PPIP5K2: variants seen among roughly 807,000 people sequenced by gnomAD.
PPIP5K2 encodes inositol hexakisphosphate and diphosphoinositol-pentakisphosphate kinase 2.
A neutral mutation model predicts 154.6 loss-of-function variants in PPIP5K2; 105 were observed. The observed-to-expected ratio is 0.68, with a 90% CI of 0.58 to 0.80. The LOEUF is 0.80. PPIP5K2 is among the 30% of genes least tolerant of loss of function. The pLI is 0.00. For missense variants in PPIP5K2, 992 were observed against 1,504.6 expected, an observed-to-expected ratio of 0.66 and a Z score of 5.64; for synonymous variants, 480 against 490.3, an observed-to-expected ratio of 0.98 and a Z score of 0.28.
At position 103,177,976 on chromosome 5, in the gene PPIP5K2, G is replaced by A; in HGVS notation, c.2750G>A (p.Arg917Lys). The change falls in exon 23 of 31, where the codon AGA becomes AAA. Residue 917 changes from arginine (R) to lysine (K), a missense_variant. Coordinates refer to ENST00000358359, the MANE Select transcript of PPIP5K2 (RefSeq NM_001276277.3). ...PSGYGYRPAS[R>K]ENEGRRPFKI... ...GGCTATGGATATAGACCAGCTTCCA[G>A]AGAGGTAATGAAGGTGGAACTCTCA... 1 of 1,581,410 alleles carries A rather than the reference G, an allele frequency of 6.3e-7. No homozygotes were observed. The highest frequency in any genetic ancestry group is 8.7e-7 in the Non-Finnish European group (1 of 1,150,642).
chr5:103,127,054 T>A (rs1316192604), intron 1 of PPIP5K2, among the ~76,000 whole-genome samples: 3 of 152,228 alleles, frequency 2.0e-5, no homozygotes, highest in Non-Finnish European at 2.9e-5. Flanking sequence ...ATTTTATTTG[T>A]ATGTATTCCA....
chr5:103,159,824 C>T (rs257293), intron 17 of PPIP5K2, among the ~76,000 whole-genome samples: 60,062 of 151,898 alleles, frequency 0.4, 12,591 homozygotes, highest in African/African-American at 0.53. Context: ...AAGGATAAAA[C>T]ATATTGCTAT....
chr5:103,188,697 T>G (rs1800771238), intron 28 of PPIP5K2: 2 of 152,316 alleles, frequency 1.3e-5, no homozygotes, highest in African/African-American at 2.4e-5. Flanking sequence ...ATTGCAGGTT[T>G]AAGACCATAG....
intron 5 of PPIP5K2, among the ~76,000 whole-genome samples, chr5:103,141,846 T>A (rs1406783901): frequency 1.3e-5 from 2 of 151,944 alleles, no homozygotes; most frequent in East Asian, 3.9e-4. Context: ...AGATACAGAG[T>A]GTAGATTGGT....
intron 30 of PPIP5K2, among the ~76,000 whole-genome samples, chr5:103,200,911 T>C (rs1399583637): frequency 3.9e-5 from 6 of 152,134 alleles, no homozygotes; most frequent in Admixed American, 6.6e-5. Context: ...GTGTTGGGAT[T>C]ACAGGCATGA....
chr5:103,133,297 A>G (rs114952042), intron 2 of PPIP5K2, among the ~76,000 whole-genome samples, 156 bp from the exon 3 acceptor site: 1 of 152,200 alleles, frequency 6.6e-6, no homozygotes, highest in Admixed American at 6.5e-5. Flanking sequence ...GTTTATTATA[A>G]CAATGATATA....
rs188502652 is a variant in PPIP5K2 at position 103,211,799 on chromosome 5, C to A, written c.*10165C>A. 4 of 140,142 alleles carry A rather than the reference C, an allele frequency of 2.9e-5. No homozygotes were observed. The highest frequency in any genetic ancestry group is 4.4e-5 in the Non-Finnish European group (3 of 67,846). The allele number at this position is 140,142 out of a possible 1,614,324, so 8.7% of individuals were successfully genotyped here. ...GGGAATTTACTTTCTAATGAGGAAC[C>A]AAGTGCTCAAAAGCAGTCATAAAGT... On this transcript the variant is annotated 3_prime_UTR_variant, in exon 31 of 31. Transcript: ENST00000358359.
chr5:103,183,307 C>T lies in PPIP5K2; in HGVS notation c.2996C>T (p.Thr999Ile). 3.8e-6 allele frequency: 6 copies of T among 1,590,520 alleles called. No individual in the cohort carries two copies. Among genetic ancestry groups the T allele is most frequent in the Non-Finnish European group, 5.1e-6 (6 of 1,170,196 alleles). The change falls in exon 25 of 31, where the codon ACT (threonine) becomes ATT (isoleucine). Residue 999 changes from threonine to isoleucine, a missense_variant. Transcript: ENST00000358359. ...CTGCATTATACCAGTGGTGTGGGTA[C>T]TGGGCGTCGAAGACGCAGATCAGGG... The part of the protein sequence containing the change: ...TWLHYTSGVG[T>I]GRRRRRSGEQ...
At chr5:103,143,717 A>G (rs1330439574) in intron 5 of PPIP5K2, among the ~76,000 whole-genome samples, 2 of 152,218 alleles carry the variant, frequency 1.3e-5, no homozygotes, top group Non-Finnish European at 2.9e-5. Flanking sequence ...GAGAAAAAGC[A>G]TTTGATAAAA....
At chr5:103,122,460 A>T (rs1461881323) in intron 1 of PPIP5K2, among the ~76,000 whole-genome samples, 1 of 152,214 alleles carries the variant, frequency 6.6e-6, no homozygotes, top group Non-Finnish European at 1.5e-5. Flanking sequence ...GGTTCAGCAA[A>T]AAGATATTAA....
Position 103,159,324 on chromosome 5 carries a change from A to G in PPIP5K2, c.1916A>G (p.Glu639Gly), listed in dbSNP as rs1354233781. 1 of 1,603,762 alleles carries G rather than the reference A, an allele frequency of 6.2e-7. No homozygotes were observed. The highest frequency in any genetic ancestry group is 8.5e-7 in the Non-Finnish European group (1 of 1,176,382). ...KDRDFTAEDYEKLTPSGSISL... is the reference protein window; with the variant it reads ...KDRDFTAEDYGKLTPSGSISL... Reference sequence around the variant, plus strand: ...AGAGATTTTACTGCTGAAGATTATGAAAAGGTGGGTCTTAGCAAACTCTTA... The same window carrying G: ...AGAGATTTTACTGCTGAAGATTATGGAAAGGTGGGTCTTAGCAAACTCTTA... The change falls in exon 17 of 31, where the codon GAA becomes GGA. Residue 639 changes from glutamate (E) to glycine (G), a missense_variant. Glu to Gly is a moderately conservative substitution (Grantham distance 98, BLOSUM62 -2). This residue lies in a region of PPIP5K2 where 82 missense variants were observed against 91.8 expected (regional missense o/e 0.89). Coordinates refer to ENST00000358359, the MANE Select transcript of PPIP5K2 (RefSeq NM_001276277.3).
At position 103,179,419 on chromosome 5, in the gene PPIP5K2, C is replaced by T. The variant is rs1460764694; in HGVS notation, c.2755-602C>T. On this transcript the variant is annotated intron_variant, in intron 23 of 30. Coordinates refer to ENST00000358359, the MANE Select transcript of PPIP5K2 (RefSeq NM_001276277.3). ...GGATATTTGATATAAAAATTTTTAG[C>T]TTGCCTGTCTCCCATACTGTGTTGG... Among the ~76,000 whole-genome samples, 3 of 152,032 alleles carry T rather than the reference C, an allele frequency of 2.0e-5. No homozygotes were observed. The East Asian group carries it at 5.8e-4, about 29-fold the overall frequency.
intron 23 of PPIP5K2, among the ~76,000 whole-genome samples, chr5:103,178,687 T>C (rs1799078273): frequency 6.6e-6 from 1 of 151,730 alleles, no homozygotes; most frequent in Non-Finnish European, 1.5e-5. Context: ...ATGATACTTT[T>C]TCAGTATTGG....
intron 26 of PPIP5K2, among the ~76,000 whole-genome samples, chr5:103,185,576 A>G (rs1554224670): frequency 6.6e-6 from 1 of 152,120 alleles, no homozygotes; most frequent in Non-Finnish European, 1.5e-5. Flanking sequence ...GTATCATAGT[A>G]TATTTTATAG....
chr5:103,130,720 A>G (rs1391192228), intron 2 of PPIP5K2, among the ~76,000 whole-genome samples: 1 of 152,158 alleles, frequency 6.6e-6, no homozygotes, highest in Non-Finnish European at 1.5e-5. Context: ...TAGAAGTCCT[A>G]TAAGTAAAAC....
rs1794505299 is a variant in PPIP5K2 at position 103,150,756 on chromosome 5, G to T, written c.907-497G>T. ...ACTGCACTCCAGCCTGGGTGACAGA[G>T]CGACACTACCTCTCAAAACCAAACA... is the stretch of plus-strand genomic sequence containing the variant. On this transcript the variant is annotated intron_variant, in intron 8 of 30. Transcript: ENST00000358359. Among the ~76,000 whole-genome samples the T allele has an allele frequency of 2.0e-5, 3 of 151,448 alleles. No homozygotes were observed. The South Asian group carries it at 6.3e-4, about 32-fold the overall frequency.
chr5:103,157,816 G>A (rs1463600312), intron 14 of PPIP5K2, among the ~76,000 whole-genome samples: 1 of 152,124 alleles, frequency 6.6e-6, no homozygotes, highest in Non-Finnish European at 1.5e-5. Flanking sequence ...ACCTGGATTC[G>A]GGCATCAAGG....
chr5:103,176,412 T>A (rs1282149568), intron 21 of PPIP5K2, among the ~76,000 whole-genome samples: 1 of 152,002 alleles, frequency 6.6e-6, no homozygotes, highest in African/African-American at 2.4e-5. Context: ...TGTTTTCCCT[T>A]ATCAATTTTG....
chr5:103,146,428 T>C, intron 5 of PPIP5K2, 99 bp from the exon 6 acceptor site: 2 of 1,261,680 alleles, frequency 1.6e-6, no homozygotes, highest in South Asian at 3.3e-5. Flanking sequence ...CAAGTTTTCT[T>C]TTATGGTCTT....
Sources: allele counts gnomAD v4.1 joint callset (sites outside exome capture counted in the v4.1 genomes callset), GRCh38; gene constraint gnomAD v4.1.1; regional missense constraint gnomAD v4.1.1; transcripts MANE v1.5; gene names NCBI Gene and HGNC (gene_info 2026-07-23, HGNC 2026-07-21).